The following LNX1 variants were observed in gnomAD, a reference collection of about 807,000 sequenced individuals.
LNX1 encodes the protein E3 ubiquitin-protein ligase LNX.
LNX1 carries 54 observed loss-of-function variants against 68.4 expected under a neutral mutation model. That is an observed-to-expected ratio of 0.79 (90% confidence interval 0.63 to 0.99). The LOEUF (loss-of-function observed/expected upper bound fraction) is 0.99. Among genes scored for constraint, LNX1 ranks in the 50% least tolerant of loss-of-function variants. The probability of loss-of-function intolerance (pLI) is 0.00; values close to 1 mark genes in which losing one functional copy is unlikely to be tolerated. For synonymous variants in LNX1, 336 were observed against 350.0 expected (o/e 0.96, Z 0.45); for missense variants, 906 against 926.4 (o/e 0.98, Z 0.29).
chr4:53,649,912 C>T (rs559625776), intron 1 of LNX1, among the ~76,000 whole-genome samples: 21 of 152,234 alleles, frequency 1.4e-4, no homozygotes, highest in South Asian at 6.2e-4. Context: ...ACCTCGTAAG[C>T]GCTTTGTATC....
intron 2 of LNX1, chr4:53,539,209 G>A (rs1258670170): frequency 6.6e-6 from 1 of 152,290 alleles, no homozygotes; most frequent in Non-Finnish European, 1.5e-5. Context: ...CACCAAGGGA[G>A]CCATAAGGGC....
At chr4:53,492,506 TGAGAGAGAGA>T (rs58715153) in intron 6 of LNX1, among the ~76,000 whole-genome samples, 16 of 88,996 alleles carry the variant, frequency 1.8e-4, no homozygotes, top group East Asian at 3.4e-4. Flanking sequence ...CAGAGGGCTC[TGAGAGAGAGA>T]GAGAGAGAGA....
intron 2 of LNX1, among the ~76,000 whole-genome samples, chr4:53,553,644 C>T (rs564650624): frequency 6.6e-6 from 1 of 152,236 alleles, no homozygotes; most frequent in East Asian, 1.9e-4. Flanking sequence ...AAAGAATGTT[C>T]ATGGAGGTCT....
At chr4:53,648,782 C>T (rs1263887836) in intron 1 of LNX1, among the ~76,000 whole-genome samples, 2 of 152,134 alleles carry the variant, frequency 1.3e-5, no homozygotes, top group African/African-American at 2.4e-5. Context: ...TCAAAAACTC[C>T]CTCAGTCCTG....
chr4:53,479,695 C>A (rs1269567700), intron 7 of LNX1, among the ~76,000 whole-genome samples: 3 of 152,128 alleles, frequency 2.0e-5, no homozygotes, highest in Non-Finnish European at 2.9e-5. Flanking sequence ...TACAATGTTC[C>A]TTGATGTTTA....
intron 1 of LNX1, among the ~76,000 whole-genome samples, chr4:53,651,709 T>C (rs892908637): frequency 1.3e-5 from 2 of 152,182 alleles, no homozygotes; most frequent in Non-Finnish European, 2.9e-5. Flanking sequence ...TCTTTATCCA[T>C]GGGTAAAACT....
intron 1 of LNX1, among the ~76,000 whole-genome samples, chr4:53,578,136 A>G (rs1425977499): frequency 6.6e-6 from 1 of 152,172 alleles, no homozygotes; most frequent in Non-Finnish European, 1.5e-5. Flanking sequence ...TGTCTCCCAG[A>G]ATCTTTCTTG....
At chr4:53,637,316 A>C (rs1273525013) in intron 1 of LNX1, among the ~76,000 whole-genome samples, 1 of 152,096 alleles carries the variant, frequency 6.6e-6, no homozygotes, top group African/African-American at 2.4e-5. Flanking sequence ...AGATTTTATG[A>C]CCCACTAAAT....
Position 53,617,476 on chromosome 4 carries a change from A to T in LNX1, c.-512T>A, listed in dbSNP as rs573535310. 4.7e-4 allele frequency: 71 copies of T among 152,356 alleles called. 1 individual carries two copies. The highest frequency in any genetic ancestry group is 8.7e-4 in the Non-Finnish European group (59 of 68,030). 9.4% of individuals were successfully genotyped at this position (152,356 alleles called of 1,614,324 possible). On this transcript the variant is annotated 5_prime_UTR_variant, in exon 1 of 4. Coordinates refer to the LNX1 transcript ENST00000504299. ...GGCTTAGAAACCCAAAGCTGTAAACACAGCTGGGGAAACACTTGAATGTGC... is the reference window on the plus strand; with the variant it reads ...GGCTTAGAAACCCAAAGCTGTAAACTCAGCTGGGGAAACACTTGAATGTGC...
chr4:53,468,757 T>C (rs1231307436), intron 9 of LNX1, among the ~76,000 whole-genome samples: 4 of 152,276 alleles, frequency 2.6e-5, no homozygotes, highest in African/African-American at 9.6e-5. Flanking sequence ...CACTACATAA[T>C]GGTAAAGGGA....
chr4:53,486,899 T>C (rs1474984565), intron 6 of LNX1, among the ~76,000 whole-genome samples: 1 of 151,732 alleles, frequency 6.6e-6, no homozygotes, highest in African/African-American at 2.4e-5. Context: ...ATACAGTGAC[T>C]AAGAGAAGAA....
At chr4:53,561,993 A>G (rs1342738999) in intron 2 of LNX1, among the ~76,000 whole-genome samples, 1 of 152,208 alleles carries the variant, frequency 6.6e-6, no homozygotes, top group African/African-American at 2.4e-5. Context: ...CAATTCACGT[A>G]TGTTTTCAAC....
chr4:53,495,548 C>CTTTTTTTTTTTTTTTTTTTTTTTATT (rs199684639), intron 6 of LNX1, among the ~76,000 whole-genome samples: 1 of 119,414 alleles, frequency 8.4e-6, no homozygotes, highest in Non-Finnish European at 1.8e-5. Context: ...CATGGCATAG[C>CTTTTTTTTTTTTTTTTTTTTTTTATT]TTTTTTTTTT....
At chr4:53,631,944 G>A (rs1734292052) in intron 1 of LNX1, among the ~76,000 whole-genome samples, 1 of 152,034 alleles carries the variant, frequency 6.6e-6, no homozygotes, top group Non-Finnish European at 1.5e-5. Flanking sequence ...AGTAAAATCT[G>A]CTGAAGAAAA....
chr4:53,576,081 C>G, intron 1 of LNX1: 5 of 1,553,170 alleles, frequency 3.2e-6, no homozygotes, highest in Non-Finnish European at 4.3e-6. Flanking sequence ...AAGACCTGGT[C>G]GGGGACTTGG....
chr4:53,529,454 C>A (rs891535475), intron 2 of LNX1, among the ~76,000 whole-genome samples: 8 of 152,204 alleles, frequency 5.3e-5, no homozygotes, highest in African/African-American at 1.9e-4. Context: ...GCTTTACATT[C>A]ACATATTTCT....
chr4:53,558,062 C>G, intron 2 of LNX1: 2 of 1,555,144 alleles, frequency 1.3e-6, no homozygotes, highest in Non-Finnish European at 1.7e-6. Flanking sequence ...GCCATGCCCC[C>G]ACAATCAGTA....
exon 1 of LNX1, chr4:53,617,491 C>T (rs1456515363): frequency 2.0e-5 from 3 of 152,210 alleles, no homozygotes; most frequent in African/African-American, 7.2e-5. Flanking sequence ...TGGGGAAACA[C>T]TTGAATGTGC....
intron 9 of LNX1, 92 bp downstream of exon 9, chr4:53,476,661 G>C: frequency 9.5e-7 from 1 of 1,048,824 alleles, no homozygotes; most frequent in South Asian, 1.3e-5. Context: ...AGATGCTAGT[G>C]CCATGAATCA....
Sources: allele counts gnomAD v4.1 joint callset (sites outside exome capture counted in the v4.1 genomes callset), GRCh38; gene constraint gnomAD v4.1.1; transcripts MANE v1.5; gene names NCBI Gene and HGNC (gene_info 2026-07-23, HGNC 2026-07-21).